Variants in ROCK1 observed in about 807,000 individuals in gnomAD.
The protein encoded by ROCK1 is rho-associated protein kinase 1.
Under a neutral mutation model 196.8 loss-of-function variants are expected in ROCK1, and 36 were observed. The observed-to-expected ratio is 0.18, with a 90% CI of 0.14 to 0.24. ROCK1 has a LOEUF of 0.24. Among genes scored for constraint, ROCK1 ranks in the 10% least tolerant of loss-of-function variants. The pLI is 1.00. For missense variants in ROCK1, 920 were observed against 1,562.0 expected, an observed-to-expected ratio of 0.59 and a Z score of 6.93; for synonymous variants, 443 against 515.9, an observed-to-expected ratio of 0.86 and a Z score of 1.91.
chr18:20,965,247 C>T (rs909779114), intron 27 of ROCK1, among the ~76,000 whole-genome samples: 1 of 151,842 alleles, frequency 6.6e-6, no homozygotes, highest in African/African-American at 2.4e-5. Context: ...AAAAATTAGC[C>T]GGGTGTGGTG....
intron 12 of ROCK1, among the ~76,000 whole-genome samples, chr18:21,018,769 C>G (rs2035887168): frequency 6.6e-6 from 1 of 151,982 alleles, no homozygotes; most frequent in Non-Finnish European, 1.5e-5. Flanking sequence ...TGTACCAAAC[C>G]CCCCACCTGC....
intron 4 of ROCK1, among the ~76,000 whole-genome samples, chr18:21,047,764 C>T (rs888138606): frequency 2.0e-5 from 3 of 151,566 alleles, no homozygotes; most frequent in Non-Finnish European, 4.4e-5. Flanking sequence ...CACCATTGCA[C>T]TCCGGCCTGG....
At position 20,970,409 on chromosome 18, in the gene ROCK1, C is replaced by T. The variant is rs1383919013; in HGVS notation, c.2759G>A (p.Ser920Asn). ...EEQYFELTQE[S>N]KKAASRNRQE... Reference sequence around the variant, plus strand: ...TCTATTTCTTGAAGCAGCTTTCTTGCTTTCTTGCGTCAATTCAAAATACTG... The same window carrying T: ...TCTATTTCTTGAAGCAGCTTTCTTGTTTTCTTGCGTCAATTCAAAATACTG... The change falls in exon 23 of 33, where the codon AGC (serine) becomes AAC (asparagine). Residue 920 changes from serine to asparagine, a missense_variant. Physicochemically the swap from Ser to Asn is conservative, Grantham distance 46. Coordinates refer to ENST00000399799, the MANE Select transcript of ROCK1 (RefSeq NM_005406.3). The T allele has an allele frequency of 1.2e-6, 2 of 1,613,938 alleles. No homozygotes were observed. Among genetic ancestry groups the T allele is most frequent in the Non-Finnish European group, 1.7e-6 (2 of 1,179,864 alleles).
chr18:21,085,359 G>GAAAAAAAAAA (rs2036518080), intron 1 of ROCK1, among the ~76,000 whole-genome samples: 1 of 20,454 alleles, frequency 4.9e-5, no homozygotes, highest in African/African-American at 1.4e-4. Flanking sequence ...AAAAAAAAAG[G>GAAAAAAAAAA]CAAATTTCAT....
chr18:21,025,512 G>A (rs554943133), intron 10 of ROCK1, among the ~76,000 whole-genome samples: 1 of 152,256 alleles, frequency 6.6e-6, no homozygotes, highest in East Asian at 1.9e-4. Context: ...ATCACTTGAG[G>A]CCAGGGGTTT....
chr18:20,959,126 T>TA (rs1388434755), intron 29 of ROCK1, among the ~76,000 whole-genome samples: 25 of 53,920 alleles, frequency 4.6e-4, no homozygotes, highest in African/African-American at 3.4e-3. Context: ...ATATAATATA[T>TA]ATATTATATA....
chr18:21,044,093 T>C lies in ROCK1; in HGVS notation c.675+9A>G. 1 of 1,530,310 alleles carries C rather than the reference T, an allele frequency of 6.5e-7. No homozygotes were observed. 94.8% of individuals were successfully genotyped at this position (1,530,310 alleles called of 1,614,324 possible). ...TAGCAAAAACTAAATTAAAATCTAG[T>C]TAATTAACCTTATTCATCTTCATAC... On this transcript the variant is annotated intron_variant, in intron 6 of 32. Transcript: ENST00000399799.
chr18:21,041,799 A>G (rs2036109651), intron 8 of ROCK1, among the ~76,000 whole-genome samples: 1 of 152,082 alleles, frequency 6.6e-6, no homozygotes, highest in African/African-American at 2.4e-5. Flanking sequence ...ATTTTTTTAG[A>G]TTCAGTAAAA....
intron 2 of ROCK1, among the ~76,000 whole-genome samples, chr18:21,061,053 C>A (rs1314518082): frequency 1.3e-5 from 2 of 149,710 alleles, no homozygotes; most frequent in East Asian, 2.0e-4. Flanking sequence ...ACAACATGGA[C>A]AACATGAAGG....
chr18:21,036,811 A>G (rs2036061533), intron 9 of ROCK1, among the ~76,000 whole-genome samples: 1 of 152,158 alleles, frequency 6.6e-6, no homozygotes, highest in East Asian at 1.9e-4. Context: ...ATATGTGGTA[A>G]CTAGCAAAAT....
At chr18:20,985,465 T>C (rs2035569945) in intron 19 of ROCK1, among the ~76,000 whole-genome samples, 1 of 152,216 alleles carries the variant, frequency 6.6e-6, no homozygotes, top group Non-Finnish European at 1.5e-5. Context: ...CTCTCAAATG[T>C]CATACTCTTA....
intron 10 of ROCK1, among the ~76,000 whole-genome samples, chr18:21,025,406 T>C (rs1357870159): frequency 6.6e-6 from 1 of 152,208 alleles, no homozygotes. Flanking sequence ...TATGCTTACA[T>C]ATTACAATAA....
intron 27 of ROCK1, among the ~76,000 whole-genome samples, chr18:20,962,994 T>G (rs1045426284): frequency 1.3e-5 from 2 of 152,090 alleles, no homozygotes; most frequent in African/African-American, 4.8e-5. Context: ...CACCTGTAAC[T>G]TAAGTGGTGA....
At chr18:21,007,833 T>C (rs1374105106) in intron 14 of ROCK1, among the ~76,000 whole-genome samples, 1 of 152,134 alleles carries the variant, frequency 6.6e-6, no homozygotes, top group Non-Finnish European at 1.5e-5. Flanking sequence ...ATGATGACAA[T>C]CACTACTCTA....
At chr18:21,028,559 T>C (rs1305036260) in intron 10 of ROCK1, among the ~76,000 whole-genome samples, 1 of 152,178 alleles carries the variant, frequency 6.6e-6, no homozygotes, top group Non-Finnish European at 1.5e-5. Context: ...ATATATAGTA[T>C]ATCATTTAGC....
At chr18:21,028,651 C>A (rs2035981440) in intron 10 of ROCK1, 125 bp downstream of exon 10, 3 of 749,668 alleles carry the variant, frequency 4.0e-6, no homozygotes, top group African/African-American at 1.8e-5. Flanking sequence ...TATCATGCAT[C>A]AATGAAAAAT....
chr18:20,972,281 T>C (rs149513571), intron 22 of ROCK1, among the ~76,000 whole-genome samples: 1,595 of 152,228 alleles, frequency 0.01, 15 homozygotes, highest in Middle Eastern at 0.024. Flanking sequence ...CAACTAGGAA[T>C]AACAGAATTG....
intron 13 of ROCK1, among the ~76,000 whole-genome samples, chr18:21,009,042 C>T (rs1046291276): frequency 2.6e-5 from 4 of 152,126 alleles, no homozygotes; most frequent in African/African-American, 9.7e-5. Context: ...GTTATAGCCA[C>T]ACCCATCCCC....
At chr18:21,093,693 T>A (rs1012144720) in intron 1 of ROCK1, among the ~76,000 whole-genome samples, 2 of 152,012 alleles carry the variant, frequency 1.3e-5, no homozygotes, top group African/African-American at 4.8e-5. Context: ...ATGGCTTACA[T>A]CTGTAATCCC....
Sources: allele counts gnomAD v4.1 joint callset (sites outside exome capture counted in the v4.1 genomes callset), GRCh38; gene constraint gnomAD v4.1.1; transcripts MANE v1.5; gene names NCBI Gene and HGNC (gene_info 2026-07-23, HGNC 2026-07-21).